The following DIP2C variants were observed in gnomAD, a reference collection of about 807,000 sequenced individuals.
The protein encoded by DIP2C is disco-interacting protein 2 homolog C.
Under a neutral mutation model 192.4 loss-of-function variants are expected in DIP2C, and 33 were observed. The ratio of observed to expected loss-of-function variants is 0.17; its 90% CI spans 0.13 to 0.23. The LOEUF is 0.23. Ranked by LOEUF, DIP2C falls within the 10% of genes least tolerant of loss-of-function variation. The probability of loss-of-function intolerance (pLI) is 1.00; values close to 1 mark genes in which losing one functional copy is unlikely to be tolerated. For missense variants in DIP2C, 1,537 were observed against 2,110.1 expected, an observed-to-expected ratio of 0.73 and a Z score of 5.32; for synonymous variants, 979 against 864.1, an observed-to-expected ratio of 1.13 and a Z score of -2.33.
intron 1 of DIP2C, among the ~76,000 whole-genome samples, chr10:514,519 C>G (rs1196411850): frequency 6.6e-6 from 1 of 152,214 alleles, no homozygotes; most frequent in African/African-American, 2.4e-5. Context: ...CAAGTCCAGG[C>G]TGTCTGTGGG....
chr10:529,041 G>C (rs756919445), intron 1 of DIP2C, among the ~76,000 whole-genome samples: 1 of 152,202 alleles, frequency 6.6e-6, no homozygotes, highest in Non-Finnish European at 1.5e-5. Context: ...CTGTGAGGAC[G>C]GCGCTGCCGG....
chr10:489,018 G>A (rs963737958), intron 1 of DIP2C, among the ~76,000 whole-genome samples: 7 of 152,136 alleles, frequency 4.6e-5, no homozygotes, highest in African/African-American at 1.7e-4. Flanking sequence ...TTACTGGGGG[G>A]CGGGCAAAGG....
chr10:568,246 G>A (rs185492168), intron 1 of DIP2C, among the ~76,000 whole-genome samples: 94 of 152,288 alleles, frequency 6.2e-4, no homozygotes, highest in Non-Finnish European at 9.7e-4. Context: ...ATCAATCCCC[G>A]TGCAGGGAGG....
rs1470544207 is a variant in DIP2C at position 348,678 on chromosome 10, A to G, written c.3194T>C (p.Ile1065Thr). ...ITVRPPHPQN[I>T]ATTLPTVKMI... is the part of the protein sequence containing the mutation. ...CTTGACGGTAGGCAACGTCGTCGCG[A>G]TGTTCTGTGGGTGCGGGGGACGGAC... Residue 1065 changes from isoleucine to threonine, a missense_variant, in exon 26 of 37, where the codon ATC (isoleucine) becomes ACC (threonine). Ile to Thr is a moderately conservative substitution (Grantham distance 89, BLOSUM62 -1). This residue lies in a region of DIP2C where 677 missense variants were observed against 989.9 expected (regional missense o/e 0.68). Coordinates refer to ENST00000280886, the MANE Select transcript of DIP2C (RefSeq NM_014974.3). 1 of 1,613,740 alleles carries G rather than the reference A, an allele frequency of 6.2e-7. No individual in the cohort carries two copies. Among genetic ancestry groups the G allele is most frequent in the Non-Finnish European group, 8.5e-7 (1 of 1,179,918 alleles).
chr10:320,314 C>G (rs144177731), intron 31 of DIP2C, among the ~76,000 whole-genome samples: 146 of 152,058 alleles, frequency 9.6e-4, no homozygotes, highest in African/African-American at 3.4e-3. Context: ...TTGAGACCAG[C>G]CTGGCCAACA....
chr10:597,851 C>A (rs1281746084), intron 1 of DIP2C, among the ~76,000 whole-genome samples: 1 of 152,192 alleles, frequency 6.6e-6, no homozygotes, highest in Non-Finnish European at 1.5e-5. Context: ...GTCCTGAGTC[C>A]TTTCCTGGCT....
chr10:305,972 A>AATAT (rs35830495), intron 32 of DIP2C, among the ~76,000 whole-genome samples: 3,997 of 146,266 alleles, frequency 0.027, 170 homozygotes, highest in African/African-American at 0.076. Flanking sequence ...AATGCAGACA[A>AATAT]ATATATATAT....
At chr10:623,927 A>T (rs1220948752) in intron 1 of DIP2C, among the ~76,000 whole-genome samples, 1 of 152,208 alleles carries the variant, frequency 6.6e-6, no homozygotes, top group Non-Finnish European at 1.5e-5. Context: ...GCCTTCACAG[A>T]TTATACAGTC....
rs554044372 is a variant in DIP2C at position 307,883 on chromosome 10, C to T, written c.3986+2148G>A. On this transcript the variant is annotated intron_variant, in intron 32 of 36. Coordinates refer to ENST00000280886, the MANE Select transcript of DIP2C (RefSeq NM_014974.3). ...CAGGGAGGGTTCAGGGGTGCCTGGG[C>T]GGGGCCCGGCACACGGTCCCTCTGG... is the stretch of plus-strand genomic sequence containing the variant. Among the ~76,000 whole-genome samples the T allele has an allele frequency of 3.0e-4, 43 of 145,356 alleles. No individual in the cohort carries two copies. The East Asian group carries it at 5.4e-3, about 18-fold the overall frequency.
chr10:571,193 C>A (rs563019629), intron 1 of DIP2C, among the ~76,000 whole-genome samples: 58 of 152,350 alleles, frequency 3.8e-4, no homozygotes, highest in Non-Finnish European at 6.6e-4. Context: ...CAGAAAGAAC[C>A]CACAGGGAGA....
intron 1 of DIP2C, among the ~76,000 whole-genome samples, chr10:581,040 G>A (rs557354980): frequency 2.0e-3 from 303 of 152,326 alleles, no homozygotes; most frequent in Middle Eastern, 0.01. Context: ...TCTGGTGAGA[G>A]AGACCAATGT....
At chr10:680,884 GA>G (rs1831104591) in intron 1 of DIP2C, among the ~76,000 whole-genome samples, 1 of 152,194 alleles carries the variant, frequency 6.6e-6, no homozygotes, top group Non-Finnish European at 1.5e-5. Flanking sequence ...TGTGGCCACG[GA>G]AATTCCAGGG....
chr10:588,645 A>AG (rs1053051250), intron 1 of DIP2C, among the ~76,000 whole-genome samples: 1 of 152,204 alleles, frequency 6.6e-6, no homozygotes, highest in African/African-American at 2.4e-5. Context: ...AGCTTGCTCC[A>AG]GGGCCAAGAG....
At chr10:594,646 T>TC (rs1301065737) in intron 1 of DIP2C, among the ~76,000 whole-genome samples, 7 of 149,600 alleles carry the variant, frequency 4.7e-5, no homozygotes, top group African/African-American at 1.8e-4. Context: ...CGTGGTGCTT[T>TC]CTCGAGTCCC....
chr10:329,295 A>C, intron 30 of DIP2C, 138 bp downstream of exon 30: 1 of 858,564 alleles, frequency 1.2e-6, no homozygotes, highest in Non-Finnish European at 1.6e-6. Flanking sequence ...GGCAGTTTGT[A>C]AGCTTCAGGT....
chr10:502,799 A>G (rs1845330402), intron 1 of DIP2C, among the ~76,000 whole-genome samples: 1 of 152,184 alleles, frequency 6.6e-6, no homozygotes, highest in African/African-American at 2.4e-5. Context: ...AGAAAACCAC[A>G]AAACACTGAA....
intron 7 of DIP2C, among the ~76,000 whole-genome samples, chr10:415,303 T>C (rs1366352352): frequency 6.6e-6 from 1 of 152,132 alleles, no homozygotes; most frequent in Non-Finnish European, 1.5e-5. Context: ...GCAGTTCTTG[T>C]GCTTTATTTC....
chr10:544,652 C>T (rs1266055437), intron 1 of DIP2C, among the ~76,000 whole-genome samples: 3 of 152,158 alleles, frequency 2.0e-5, no homozygotes, highest in Admixed American at 6.5e-5. Context: ...TGGTATCTCA[C>T]GGTGGTTTTC....
intron 1 of DIP2C, among the ~76,000 whole-genome samples, chr10:626,682 C>A (rs1472563978): frequency 2.6e-5 from 4 of 152,164 alleles, no homozygotes; most frequent in African/African-American, 9.7e-5. Flanking sequence ...TGCATGGGGC[C>A]AGAAGGGCCT....
Sources: gnomAD v4.1 joint callset for allele counts (sites outside exome capture counted in the v4.1 genomes callset) on GRCh38, gnomAD v4.1.1 for gene constraint, gnomAD v4.1.1 regional missense constraint, MANE v1.5 for transcripts, NCBI Gene and HGNC (gene_info 2026-07-23, HGNC 2026-07-21) for gene names.